The following CAMKK2 variants were observed in gnomAD, a reference collection of about 807,000 sequenced individuals.
CAMKK2 encodes the protein calcium/calmodulin dependent protein kinase kinase 2.
CAMKK2 carries 30 observed loss-of-function variants against 67.2 expected under a neutral mutation model. The ratio of observed to expected loss-of-function variants is 0.45; its 90% CI spans 0.33 to 0.61. The LOEUF (loss-of-function observed/expected upper bound fraction) is 0.61, where lower values mean the gene tolerates loss of function less well. Ranked by LOEUF, CAMKK2 falls within the 20% of genes least tolerant of loss-of-function variation. CAMKK2 has a pLI of 0.02. For missense variants in CAMKK2, 643 were observed against 802.0 expected (o/e 0.80, Z 2.39); for synonymous variants, 322 against 326.2 (o/e 0.99, Z 0.14).
At chr12:121,288,049 G>C (rs1224207551) in intron 1 of CAMKK2, among the ~76,000 whole-genome samples, 1 of 152,178 alleles carries the variant, frequency 6.6e-6, no homozygotes, top group African/African-American at 2.4e-5. Context: ...GAAGTGTGAG[G>C]AGCTTACGAA....
rs200790309 is a variant in CAMKK2 at position 121,244,144 on chromosome 12, G to C, written c.1596+429C>G. The stretch of plus-strand genomic sequence containing the variant: ...ATTTTCTAGGTCTAAACACATCAAA[G>C]AAAGAGAAGTGGAGGCTGGAGAGCC... On this transcript the variant is annotated intron_variant, in intron 16 of 16. Coordinates refer to ENST00000404169, the MANE Select transcript of CAMKK2 (RefSeq NM_001270485.2). The C allele has an allele frequency of 2.8e-4, 456 of 1,610,020 alleles. 3 individuals are homozygous for C. Among genetic ancestry groups the C allele is most frequent in the South Asian group, 1.6e-3 (142 of 89,952 alleles).
Position 121,240,747 on chromosome 12 carries a change from G to C in CAMKK2, c.1719C>G (p.Pro573=), listed in dbSNP as rs746645841. The change falls in exon 17 of 17, where the codon CCC becomes CCG. Residue 573 remains proline (P), a synonymous_variant. Transcript: ENST00000404169. The surrounding 1 kb of genome is among the most constrained non-coding windows in gnomAD (Gnocchi z 4.4). ...ESCWAPAPGS[P]ARMHPLRPEE... ...CCGGCCGCAGTGGATGCATGCGTGCGGGGGAGCCGGGGGCGGGGGCCCAGC... is the reference window on the plus strand; with the variant it reads ...CCGGCCGCAGTGGATGCATGCGTGCCGGGGAGCCGGGGGCGGGGGCCCAGC... 8 of 1,608,454 alleles carry C rather than the reference G, an allele frequency of 5.0e-6. No homozygotes were observed. The highest frequency in any genetic ancestry group is 1.7e-4 in the Middle Eastern group (1 of 6,048).
At chr12:121,258,463 C>G (rs901907357) in intron 7 of CAMKK2, among the ~76,000 whole-genome samples, 1 of 152,136 alleles carries the variant, frequency 6.6e-6, no homozygotes, top group East Asian at 1.9e-4. Flanking sequence ...CTCCCAAGTG[C>G]TGGGGTTACA....
At chr12:121,247,188 C>A (rs1027541730) in intron 14 of CAMKK2, among the ~76,000 whole-genome samples, 2 of 152,104 alleles carry the variant, frequency 1.3e-5, no homozygotes, top group African/African-American at 4.8e-5. Context: ...CCACTTCTTC[C>A]CAGTGGGTCC....
At chr12:121,287,431 G>T (rs1898968673) in intron 1 of CAMKK2, among the ~76,000 whole-genome samples, 1 of 152,102 alleles carries the variant, frequency 6.6e-6, no homozygotes, top group Admixed American at 6.6e-5. Context: ...CCGAGACTCA[G>T]AGAAGTTGAG....
intron 1 of CAMKK2, among the ~76,000 whole-genome samples, chr12:121,291,349 G>A (rs1227960763): frequency 2.6e-5 from 4 of 152,210 alleles, no homozygotes; most frequent in East Asian, 3.8e-4. Context: ...GCCTTAAGAC[G>A]CCTTTATGGT....
chr12:121,262,651 T>C (rs1195670578), intron 6 of CAMKK2, among the ~76,000 whole-genome samples: 1 of 152,156 alleles, frequency 6.6e-6, no homozygotes, highest in Non-Finnish European at 1.5e-5. Context: ...CTCGAACTCC[T>C]GGGCTGAAGT....
chr12:121,255,730 A>G, intron 8 of CAMKK2, 53 bp downstream of exon 8: 1 of 1,609,814 alleles, frequency 6.2e-7, no homozygotes, highest in African/African-American at 1.3e-5. Flanking sequence ...TCACTCAGCT[A>G]TGCAGCTACA....
intron 16 of CAMKK2, among the ~76,000 whole-genome samples, chr12:121,241,822 G>C (rs560132086): frequency 1.3e-5 from 2 of 152,348 alleles, no homozygotes; most frequent in South Asian, 2.1e-4. Context: ...CTCTGCCCTC[G>C]CAGTTGCCTG....
chr12:121,268,708 C>A lies in CAMKK2; in HGVS notation c.574-19G>T. The A allele has an allele frequency of 6.2e-7, 1 of 1,613,354 alleles. No individual in the cohort carries two copies. ...TCATTGCCTGCAGGAAAATGAAGGACAGCACCTTTAGCCAGGTCCTGTTTA... is the reference window on the plus strand; with the variant it reads ...TCATTGCCTGCAGGAAAATGAAGGAAAGCACCTTTAGCCAGGTCCTGTTTA... On this transcript the variant is annotated intron_variant, in intron 4 of 16. Coordinates refer to ENST00000404169, the MANE Select transcript of CAMKK2 (RefSeq NM_001270485.2).
rs1566060061 is a variant in CAMKK2 at position 121,255,341 on chromosome 12, T to TATATATATAA, written c.907+208_907+209insTTATATATAT. On this transcript the variant is annotated intron_variant, in intron 9 of 16. Coordinates refer to ENST00000404169, the MANE Select transcript of CAMKK2 (RefSeq NM_001270485.2). ...TTATATATATATAATTATATATAAT[T>TATATATATAA]TTATATATATAATTATATATATAAT... 1.8e-3 allele frequency among the ~76,000 whole-genome samples: 50 copies of TATATATATAA among 28,046 alleles called. 2 individuals are homozygous for TATATATATAA. The highest frequency in any genetic ancestry group is 3.1e-3 in the Non-Finnish European group (44 of 14,388). The allele number at this position is 28,046 out of a possible 152,430, so 18.4% of individuals were successfully genotyped here. A position where few individuals can be genotyped will look rare whatever the true frequency, so the allele number is the denominator to read the frequency against.
chr12:121,257,814 C>T (rs986158271), intron 7 of CAMKK2, among the ~76,000 whole-genome samples: 12 of 152,078 alleles, frequency 7.9e-5, no homozygotes, highest in Non-Finnish European at 1.3e-4. Context: ...CTGGCCTTTC[C>T]TGCCTTGGTT....
chr12:121,248,857 A>G (rs947273600), intron 13 of CAMKK2, 123 bp from the exon 14 acceptor site: 4 of 1,154,650 alleles, frequency 3.5e-6, no homozygotes, highest in Admixed American at 1.9e-5. Flanking sequence ...AGGCATGCAA[A>G]ACAGCTGGCG....
intron 6 of CAMKK2, among the ~76,000 whole-genome samples, chr12:121,261,618 A>T (rs1893472475): frequency 6.6e-6 from 1 of 152,220 alleles, no homozygotes; most frequent in South Asian, 2.1e-4. Flanking sequence ...TGGGGAAGGC[A>T]CACCCAGGGC....
intron 13 of CAMKK2, among the ~76,000 whole-genome samples, chr12:121,248,971 C>T (rs1890085039): frequency 6.6e-6 from 1 of 152,224 alleles, no homozygotes; most frequent in African/African-American, 2.4e-5. Context: ...CTCCATCCGG[C>T]CCCGGGTCTT....
chr12:121,241,476 G>A (rs1376766433), intron 16 of CAMKK2, among the ~76,000 whole-genome samples: 1 of 152,222 alleles, frequency 6.6e-6, no homozygotes, highest in Non-Finnish European at 1.5e-5. Context: ...TCTTGGAAGT[G>A]GGAGGAGGAG....
intron 1 of CAMKK2, among the ~76,000 whole-genome samples, chr12:121,292,641 G>A (rs1047263749): frequency 1.3e-5 from 2 of 152,142 alleles, no homozygotes; most frequent in Non-Finnish European, 2.9e-5. Flanking sequence ...CCCATCCAAA[G>A]AGAAGAAGTG....
rs1273559898 is a variant in CAMKK2, at chr12:121,240,682, T to G, written c.*17A>C. On this transcript the variant is annotated 3_prime_UTR_variant, in exon 17 of 17. Coordinates refer to ENST00000404169, the MANE Select transcript of CAMKK2 (RefSeq NM_001270485.2). This position sits in a 1 kb window ranked among gnomAD's most constrained non-coding sequence, Gnocchi z 4.4. ...GAGGCGACGCGGCGCGCATGCGAGG[T>G]CGAGCGATCCAGGCAGCTACTCGGG... 6.3e-7 allele frequency: 1 copy of G among 1,579,440 alleles called. No homozygotes were observed. The highest frequency in any genetic ancestry group is 8.6e-7 in the Non-Finnish European group (1 of 1,167,532).
intron 1 of CAMKK2, among the ~76,000 whole-genome samples, chr12:121,279,098 G>A (rs1188960992): frequency 6.6e-6 from 1 of 152,228 alleles, no homozygotes; most frequent in Non-Finnish European, 1.5e-5. Flanking sequence ...CTCTACACCA[G>A]GCCAAGGGCA....
Sources: allele counts gnomAD v4.1 joint callset (sites outside exome capture counted in the v4.1 genomes callset), GRCh38; gene constraint gnomAD v4.1.1; non-coding constraint Gnocchi (gnomAD v3.1); transcripts MANE v1.5; gene names NCBI Gene and HGNC (gene_info 2026-07-23, HGNC 2026-07-21).